HECTD2: variants seen among roughly 807,000 people sequenced by gnomAD.
HECTD2 encodes the protein probable E3 ubiquitin-protein ligase HECTD2.
In HECTD2, 35 loss-of-function variants were observed where a neutral mutation model predicts 103.2. That is an observed-to-expected ratio of 0.34 (90% CI 0.26 to 0.45). HECTD2 has a LOEUF of 0.45. HECTD2 is among the 20% of genes least tolerant of loss of function. The pLI is 1.00. For synonymous variants in HECTD2, 281 were observed against 329.9 expected, an observed-to-expected ratio of 0.85 and a Z score of 1.61; for missense variants, 596 against 937.4, an observed-to-expected ratio of 0.64 and a Z score of 4.76.
Position 91,513,145 on chromosome 10 carries a change from T to C in HECTD2, c.*761T>C, listed in dbSNP as rs1225653575. The C allele has an allele frequency of 6.6e-6, 1 of 152,668 alleles. No individual in the cohort carries two copies. The highest frequency in any genetic ancestry group is 1.5e-5 in the Non-Finnish European group (1 of 68,038). 9.5% of individuals were successfully genotyped at this position (152,668 alleles called of 1,614,324 possible). On this transcript the variant is annotated 3_prime_UTR_variant, in exon 21 of 21. Coordinates refer to ENST00000298068, the MANE Select transcript of HECTD2 (RefSeq NM_182765.6). ...GTCTGCATGCACATTGGCAGTAAAC[T>C]AGTTACTTGTGTACTCTGTAATATT...
In HECTD2 at chr10:91,457,692, A is replaced by G. The variant is rs76933514; in HGVS notation, c.269-2735A>G. 2.3e-3 allele frequency among the ~76,000 whole-genome samples: 354 copies of G among 152,142 alleles called. 1 individual carries two copies. The highest frequency in any genetic ancestry group is 3.2e-3 in the Non-Finnish European group (214 of 67,908). On this transcript the variant is annotated intron_variant, in intron 2 of 20. Transcript: ENST00000298068. ...CATCTAGAAAAAACCTGCAATTAAC[A>G]TTTTATGTAGTTGTGAAAGACTGAA...
intron 2 of HECTD2, among the ~76,000 whole-genome samples, chr10:91,460,206 C>T (rs908039295): frequency 6.6e-6 from 1 of 152,026 alleles, no homozygotes; most frequent in Non-Finnish European, 1.5e-5. Context: ...ATTAAGTATG[C>T]ACATCCATGT....
In HECTD2 at chr10:91,500,795, C is replaced by T. The variant is rs555527947; in HGVS notation, c.2066+178C>T. On this transcript the variant is annotated intron_variant, in intron 19 of 20. Transcript: ENST00000298068. ...ATGAGAATTTTAATATGAAATCACT[C>T]CCTTTGGGAGAAAATTCTATAAGCA... Among the ~76,000 whole-genome samples, 145 of 152,188 alleles carry T rather than the reference C, an allele frequency of 9.5e-4. 1 individual carries two copies. The highest frequency in any genetic ancestry group is 1.5e-3 in the Non-Finnish European group (104 of 67,988).
At chr10:91,412,614 T>C (rs1230500368) in intron 1 of HECTD2, among the ~76,000 whole-genome samples, 6 of 151,446 alleles carry the variant, frequency 4.0e-5, no homozygotes, top group Non-Finnish European at 5.9e-5. Context: ...GTCAGTACCA[T>C]TGATTATTTA....
chr10:91,506,191 C>A (rs1304348979), intron 20 of HECTD2, among the ~76,000 whole-genome samples: 8 of 150,002 alleles, frequency 5.3e-5, no homozygotes, highest in African/African-American at 1.7e-4. Context: ...AAAATTGACA[C>A]CCTAACATCA....
rs138212999 is a variant in HECTD2, at chr10:91,427,480, G to C, written c.268+2070G>C. On this transcript the variant is annotated intron_variant, in intron 2 of 20. Transcript: ENST00000298068. ...ACAGTCCCACCAACAGTGTAAGAGTGTTCCTGTCTCACCACATCCTCTCCA... is the reference window on the plus strand; with the variant it reads ...ACAGTCCCACCAACAGTGTAAGAGTCTTCCTGTCTCACCACATCCTCTCCA... Among the ~76,000 whole-genome samples, 97 of 152,246 alleles carry C rather than the reference G, an allele frequency of 6.4e-4. 2 individuals are homozygous for C. In the East Asian group the frequency reaches 0.018, roughly 28 times the overall value.
intron 3 of HECTD2, among the ~76,000 whole-genome samples, chr10:91,460,844 CTG>C (rs1422911663): frequency 2.6e-5 from 4 of 152,082 alleles, no homozygotes; most frequent in East Asian, 1.9e-4. Context: ...AAATAATAGA[CTG>C]TTACCATTTT....
chr10:91,491,112 ATTG>A lies in HECTD2; in HGVS notation c.1192-85_1192-83del, dbSNP rs375717204. On this transcript the variant is annotated intron_variant, in intron 11 of 20. Coordinates refer to ENST00000298068, the MANE Select transcript of HECTD2 (RefSeq NM_182765.6). ...TATATAAGAAATGGCATAGATAATA[ATTG>A]TTATTTTTACTAAAGTGTTTAAATG... 2,786 of 633,616 alleles carry A rather than the reference ATTG, an allele frequency of 4.4e-3. 24 individuals carry two copies. The highest frequency in any genetic ancestry group is 0.01 in the Middle Eastern group (32 of 3,170). The allele number at this position is 633,616 out of a possible 1,614,324, so 39.2% of individuals were successfully genotyped here. A position where few individuals can be genotyped will look rare whatever the true frequency, so the allele number is the denominator to read the frequency against.
chr10:91,497,389 C>T (rs1421432424), intron 15 of HECTD2, among the ~76,000 whole-genome samples: 4 of 149,824 alleles, frequency 2.7e-5, no homozygotes, highest in Admixed American at 6.6e-5. Flanking sequence ...CTCCCAGGTC[C>T]GAGCAATTCT....
intron 1 of HECTD2, among the ~76,000 whole-genome samples, chr10:91,418,691 G>C (rs1007456298): frequency 6.6e-6 from 1 of 152,006 alleles, no homozygotes; most frequent in African/African-American, 2.4e-5. Context: ...TACAAAAAGA[G>C]AAACAAAATA....
rs1842876744 is a variant in HECTD2, at chr10:91,410,565, G to C, written c.127G>C (p.Gly43Arg). The C allele has an allele frequency of 3.5e-6, 5 of 1,429,898 alleles. No homozygotes were observed. The South Asian group carries it at 4.2e-5, about 12-fold the overall frequency. The allele number at this position is 1,429,898 out of a possible 1,614,324, so 88.6% of individuals were successfully genotyped here. The change falls in exon 1 of 21, where the codon GGC (glycine) becomes CGC (arginine). Residue 43 changes from glycine to arginine, a missense_variant. Coordinates refer to ENST00000298068, the MANE Select transcript of HECTD2 (RefSeq NM_182765.6). Reference protein sequence around the residue: ...KLPPIVSAGAGATAGLDRGAK... With the variant: ...KLPPIVSAGARATAGLDRGAK... The stretch of plus-strand genomic sequence containing the variant: ...GCCGCCCATCGTATCGGCGGGCGCC[G>C]GCGCGACCGCGGTAGGTGGTGGGCC...
intron 5 of HECTD2, among the ~76,000 whole-genome samples, chr10:91,476,765 C>T (rs1396683490): frequency 6.6e-6 from 1 of 152,222 alleles, no homozygotes; most frequent in Non-Finnish European, 1.5e-5. Context: ...GAACCGTCTT[C>T]TTGAAGTTCT....
chr10:91,512,626 C>T lies in HECTD2; in HGVS notation c.*242C>T, dbSNP rs1270862341. The T allele has an allele frequency of 6.8e-6, 3 of 441,290 alleles. No homozygotes were observed. Among genetic ancestry groups the T allele is most frequent in the Non-Finnish European group, 1.2e-5 (3 of 245,124 alleles). The allele number at this position is 441,290 out of a possible 1,614,324, so 27.3% of individuals were successfully genotyped here. ...GGCAGAGACAGGTATGGTCCAGTTC[C>T]TCTTTTATATAGCACTTTATCATTC... On this transcript the variant is annotated 3_prime_UTR_variant, in exon 21 of 21. Coordinates refer to ENST00000298068, the MANE Select transcript of HECTD2 (RefSeq NM_182765.6).
At chr10:91,501,154 A>T in intron 19 of HECTD2, 37 bp from the exon 20 acceptor site, 2 of 1,580,834 alleles carry the variant, frequency 1.3e-6, no homozygotes, top group South Asian at 1.2e-5. Context: ...GATTTTTGTC[A>T]AGACATTTGA....
intron 7 of HECTD2, among the ~76,000 whole-genome samples, chr10:91,481,534 T>C (rs72819219): frequency 0.012 from 1,804 of 151,596 alleles, 19 homozygotes; most frequent in Middle Eastern, 0.051. Context: ...TCCCATCTAG[T>C]AGGTTTTCAC....
chr10:91,460,628 A>G (rs1589508690), intron 3 of HECTD2, 63 bp downstream of exon 3: 2 of 1,457,752 alleles, frequency 1.4e-6, no homozygotes, highest in East Asian at 2.4e-5. Flanking sequence ...TACATAATTT[A>G]ATATCTTTAT....
At chr10:91,510,963 C>T (rs1847399034) in intron 20 of HECTD2, among the ~76,000 whole-genome samples, 1 of 152,092 alleles carries the variant, frequency 6.6e-6, no homozygotes. Flanking sequence ...AAAATGAGAA[C>T]AACCACTTTT....
In HECTD2 at chr10:91,478,253, G is replaced by A. The variant is rs777771105; in HGVS notation, c.653G>A (p.Arg218Gln). The change falls in exon 6 of 21, where the codon CGA (arginine) becomes CAA (glutamine). Residue 218 changes from arginine (R) to glutamine (Q), a missense_variant. Transcript: ENST00000298068. ...VLKGIINSLL[R>Q]EWKGPRTKDD... is the part of the protein sequence containing the mutation. The stretch of plus-strand genomic sequence containing the variant: ...AAGGGAATCATTAACAGCCTGTTAC[G>A]AGAATGGAAAGGGTAAACTAATATT... 5.0e-6 allele frequency: 8 copies of A among 1,601,990 alleles called. No individual in the cohort carries two copies. In the Admixed American group the frequency reaches 6.7e-5, roughly 13 times the overall value.
intron 20 of HECTD2, 33 bp from the exon 21 acceptor site, chr10:91,512,231 G>GACTT (rs754846605): frequency 1.2e-6 from 2 of 1,604,046 alleles, no homozygotes; most frequent in Non-Finnish European, 1.7e-6. Flanking sequence ...TGTGTTTCAA[G>GACTT]ACTTAGTATT....
Sources: gnomAD v4.1 joint callset for allele counts (sites outside exome capture counted in the v4.1 genomes callset) on GRCh38, gnomAD v4.1.1 for gene constraint, MANE v1.5 for transcripts, NCBI Gene and HGNC (gene_info 2026-07-23, HGNC 2026-07-21) for gene names.